The following NLRP14 variants were observed in gnomAD, a reference collection of about 807,000 sequenced individuals.
NLRP14 encodes the protein NLR family pyrin domain containing 14, also known as NACHT, LRR and PYD domains-containing protein 14.
A neutral mutation model predicts 94.7 loss-of-function variants in NLRP14; 105 were observed. That is an observed-to-expected ratio of 1.11 (90% confidence interval 0.95 to 1.30). The LOEUF (loss-of-function observed/expected upper bound fraction) is 1.30, where lower values mean the gene tolerates loss of function less well. Ranked by LOEUF, NLRP14 falls within the 50% of genes most tolerant of loss-of-function variation. The probability of loss-of-function intolerance (pLI) is 0.00; values close to 1 mark genes in which losing one functional copy is unlikely to be tolerated. For missense variants in NLRP14, 1,362 were observed against 1,254.1 expected (o/e 1.09, Z -1.30); for synonymous variants, 508 against 459.9 (o/e 1.10, Z -1.34).
chr11:7,029,042 A>G (rs1029763467), intron 1 of NLRP14, among the ~76,000 whole-genome samples: 1 of 152,202 alleles, frequency 6.6e-6, no homozygotes, highest in African/African-American at 2.4e-5. Flanking sequence ...GCATGAAGAA[A>G]AAATGTAAAA....
At chr11:7,057,590 A>C in intron 6 of NLRP14, 87 bp from the exon 7 acceptor site, 1 of 1,295,160 alleles carries the variant, frequency 7.7e-7, no homozygotes, top group Non-Finnish European at 1.1e-6. Flanking sequence ...AAAGATTAGG[A>C]AACTTCCTAC....
intron 10 of NLRP14, among the ~76,000 whole-genome samples, chr11:7,067,172 C>T (rs1362802780): frequency 6.6e-6 from 1 of 152,094 alleles, no homozygotes; most frequent in African/African-American, 2.4e-5. Context: ...TTAAGATTGT[C>T]TTGACTATAC....
chr11:7,089,636 C>T, the NLRP14 span: 11 of 1,290,542 alleles, frequency 8.5e-6, no homozygotes, highest in East Asian at 3.4e-5. Flanking sequence ...CGGCTCGCAG[C>T]AGCGGCGGTG....
At chr11:7,080,991 G>C in the NLRP14 span, among the ~76,000 whole-genome samples, 1 of 152,096 alleles carries the variant, frequency 6.6e-6, no homozygotes, top group Non-Finnish European at 1.5e-5. Flanking sequence ...TAGGAGGGGA[G>C]GTTGTCTTGG....
intron 11 of NLRP14, among the ~76,000 whole-genome samples, chr11:7,070,839 C>T (rs1360803866): frequency 6.6e-6 from 1 of 152,142 alleles, no homozygotes; most frequent in Admixed American, 6.5e-5. Context: ...TGGTGCCTTG[C>T]ATGATAATAA....
intron 10 of NLRP14, among the ~76,000 whole-genome samples, chr11:7,065,308 A>G (rs1429212866): frequency 2.0e-5 from 3 of 152,118 alleles, no homozygotes; most frequent in South Asian, 2.1e-4. Context: ...AGTGCTTACT[A>G]TATTTCATGC....
intron 8 of NLRP14, among the ~76,000 whole-genome samples, chr11:7,059,241 G>T (rs1345524631): frequency 6.7e-6 from 1 of 149,950 alleles, no homozygotes; most frequent in African/African-American, 2.4e-5. Flanking sequence ...TTCTTAGCAT[G>T]TTGCTTTATT....
At chr11:7,058,236 G>A in intron 7 of NLRP14, 44 bp from the exon 8 acceptor site, 2 of 1,541,496 alleles carry the variant, frequency 1.3e-6, no homozygotes, top group Non-Finnish European at 1.8e-6. Flanking sequence ...AGAAGCATGG[G>A]CTTTGGGAAT....
At chr11:7,048,374 T>C (rs1369596344) in intron 5 of NLRP14, among the ~76,000 whole-genome samples, 1 of 152,220 alleles carries the variant, frequency 6.6e-6, no homozygotes, top group Non-Finnish European at 1.5e-5. Flanking sequence ...AGGACTCCAC[T>C]AGGAGCTGAA....
chr11:7,042,557 G>C lies in NLRP14; in HGVS notation c.531G>C (p.Gln177His). 2 of 1,614,242 alleles carry C rather than the reference G, an allele frequency of 1.2e-6. No homozygotes were observed. Among genetic ancestry groups the C allele is most frequent in the Non-Finnish European group, 1.7e-6 (2 of 1,180,030 alleles). ...ATGTCAAAACCGGTGCACAGCCACA[G>C]ATCGTGGTGCTTCAGGGAGCTGCTG... ...DVDVKTGAQPQIVVLQGAAGV... is the reference protein window; with the variant it reads ...DVDVKTGAQPHIVVLQGAAGV... The change falls in exon 4 of 12, where the codon CAG (glutamine) becomes CAC (histidine). Residue 177 changes from glutamine (Q) to histidine (H), a missense_variant. Transcript: ENST00000299481.
chr11:7,058,141 G>T, intron 7 of NLRP14, 139 bp from the exon 8 acceptor site: 1 of 734,990 alleles, frequency 1.4e-6, no homozygotes, highest in Non-Finnish European at 2.4e-6. Flanking sequence ...AATGGAATTC[G>T]TAATTTAAAT....
At chr11:7,044,427 A>G (rs1406011734) in intron 4 of NLRP14, among the ~76,000 whole-genome samples, 1 of 152,162 alleles carries the variant, frequency 6.6e-6, no homozygotes, top group African/African-American at 2.4e-5. Flanking sequence ...ATCTCTCTGT[A>G]TTATATTCCT....
intron 3 of NLRP14, among the ~76,000 whole-genome samples, chr11:7,041,281 A>T (rs981627728): frequency 6.6e-6 from 1 of 152,042 alleles, no homozygotes; most frequent in African/African-American, 2.4e-5. Context: ...CTATTTTTTT[A>T]AAAAAGATTC....
intron 5 of NLRP14, among the ~76,000 whole-genome samples, chr11:7,048,761 C>T (rs1852397234): frequency 1.3e-5 from 2 of 152,130 alleles, no homozygotes; most frequent in African/African-American, 4.8e-5. Flanking sequence ...TAGCCAATGC[C>T]TTCTTGGTTA....
At chr11:7,058,831 A>G (rs1852563791) in intron 8 of NLRP14, among the ~76,000 whole-genome samples, 1 of 152,018 alleles carries the variant, frequency 6.6e-6, no homozygotes, top group African/African-American at 2.4e-5. Flanking sequence ...GAACAGAAAT[A>G]TAGCACTCTG....
At chr11:7,047,956 C>T (rs1345995166) in intron 5 of NLRP14, among the ~76,000 whole-genome samples, 1 of 151,214 alleles carries the variant, frequency 6.6e-6, no homozygotes, top group Non-Finnish European at 1.5e-5. Context: ...GACAGGGTTT[C>T]ACCATGTTGG....
intron 5 of NLRP14, among the ~76,000 whole-genome samples, chr11:7,047,581 C>T (rs1852374637): frequency 6.6e-6 from 1 of 152,058 alleles, no homozygotes; most frequent in Non-Finnish European, 1.5e-5. Flanking sequence ...GCTGGGATTA[C>T]AGGCATGAGC....
rs1852715218 is a variant in NLRP14 at position 7,066,986 on chromosome 11, A to G, written c.2976-3300A>G. Among the ~76,000 whole-genome samples the G allele has an allele frequency of 2.6e-5, 4 of 152,152 alleles. No homozygotes were observed. In the South Asian group the frequency reaches 8.3e-4, roughly 32 times the overall value. On this transcript the variant is annotated intron_variant, in intron 10 of 11. Coordinates refer to ENST00000299481, the MANE Select transcript of NLRP14 (RefSeq NM_176822.4). ...CCTTTCCCTATTGCTTGTTACTGTC[A>G]GGTTTGTCAAAGGTCAAGTGGTTGT...
intron 1 of NLRP14, among the ~76,000 whole-genome samples, chr11:7,030,945 G>C (rs917579752): frequency 1.3e-5 from 2 of 152,198 alleles, no homozygotes; most frequent in Admixed American, 6.5e-5. Context: ...GGAAGAGCAA[G>C]CATAGAGGCG....
Sources: allele counts gnomAD v4.1 joint callset (sites outside exome capture counted in the v4.1 genomes callset), GRCh38; gene constraint gnomAD v4.1.1; transcripts MANE v1.5; gene names NCBI Gene and HGNC (gene_info 2026-07-23, HGNC 2026-07-21).